The following FHIT variants were observed in gnomAD, a reference collection of about 807,000 sequenced individuals.
FHIT encodes bis(5'-adenosyl)-triphosphatase.
In FHIT, 19 loss-of-function variants were observed where a neutral mutation model predicts 17.9. That is an observed-to-expected ratio of 1.06 (90% confidence interval 0.74 to 1.56). The LOEUF is 1.56. Among genes scored for constraint, FHIT ranks in the 40% most tolerant of loss-of-function variants. FHIT has a pLI of 0.00. For missense variants in FHIT, 248 were observed against 189.2 expected, an observed-to-expected ratio of 1.31 and a Z score of -1.82; for synonymous variants, 81 against 69.7, an observed-to-expected ratio of 1.16 and a Z score of -0.81.
At chr3:59,785,211 G>C (rs547558368) in intron 8 of FHIT, among the ~76,000 whole-genome samples, 11 of 152,030 alleles carry the variant, frequency 7.2e-5, no homozygotes, top group Admixed American at 2.0e-4. Context: ...TTCGACATGA[G>C]ATTTGGTGGG....
chr3:60,596,509 G>A (rs954858763), intron 4 of FHIT, among the ~76,000 whole-genome samples: 1 of 151,988 alleles, frequency 6.6e-6, no homozygotes, highest in Non-Finnish European at 1.5e-5. Context: ...CTTTCCAATT[G>A]CTATCTCCTT....
chr3:60,497,294 G>A (rs1029454596), intron 5 of FHIT, among the ~76,000 whole-genome samples: 10 of 151,934 alleles, frequency 6.6e-5, no homozygotes, highest in African/African-American at 2.4e-4. Context: ...TGGGGAAGAT[G>A]AAGTGTATCT....
chr3:61,071,845 G>A (rs2034819036), intron 2 of FHIT, among the ~76,000 whole-genome samples: 1 of 152,068 alleles, frequency 6.6e-6, no homozygotes, highest in African/African-American at 2.4e-5. Flanking sequence ...GAAGTTATGG[G>A]GGATATTTAT....
chr3:60,976,090 CTTTTTCTTTTTTTTTTT>C (rs1368005610), intron 3 of FHIT, among the ~76,000 whole-genome samples: 11 of 58,086 alleles, frequency 1.9e-4, no homozygotes, highest in South Asian at 6.8e-4. Context: ...TTTCGTTTTT[CTTTTTCTTTTTTTTTTT>C]TTTTTTTTTT....
At chr3:60,711,577 T>C (rs2041533703) in intron 4 of FHIT, among the ~76,000 whole-genome samples, 2 of 152,096 alleles carry the variant, frequency 1.3e-5, no homozygotes, top group South Asian at 2.1e-4. Context: ...GAGAAGTGCT[T>C]AAAGGAGCTG....
At chr3:60,935,181 C>T (rs1708135149) in intron 3 of FHIT, among the ~76,000 whole-genome samples, 1 of 152,122 alleles carries the variant, frequency 6.6e-6, no homozygotes, top group Non-Finnish European at 1.5e-5. Context: ...AGAACCATTA[C>T]AGTTATTGTC....
intron 5 of FHIT, among the ~76,000 whole-genome samples, chr3:60,092,397 G>C (rs1446918369): frequency 6.6e-6 from 1 of 152,152 alleles, no homozygotes; most frequent in African/African-American, 2.4e-5. Context: ...GGACAGGCTG[G>C]CCATGGTAGA....
intron 3 of FHIT, among the ~76,000 whole-genome samples, chr3:60,958,401 C>G (rs1487930252): frequency 6.6e-6 from 1 of 152,152 alleles, no homozygotes; most frequent in African/African-American, 2.4e-5. Flanking sequence ...TTCCCTAGCA[C>G]TGAGAACTGT....
chr3:60,137,852 C>A (rs1699878517), intron 5 of FHIT, among the ~76,000 whole-genome samples: 1 of 150,966 alleles, frequency 6.6e-6, no homozygotes, highest in East Asian at 2.0e-4. Flanking sequence ...ATTTAAGCAA[C>A]ATCTACACAT....
rs201296191 is a variant in FHIT at position 60,318,158 on chromosome 3, G to GA, written c.103+218701dup. ...TGAACACATCATGGTATAATGCAGTGATAAAGCAATGTAGGGCTTTTCTGG... is the reference window on the plus strand; with the variant it reads ...TGAACACATCATGGTATAATGCAGTGAATAAAGCAATGTAGGGCTTTTCTGG... On this transcript the variant is annotated intron_variant, in intron 5 of 9. Coordinates refer to ENST00000492590, the MANE Select transcript of FHIT (RefSeq NM_002012.4). Among the ~76,000 whole-genome samples, 1,085 of 152,194 alleles carry GA rather than the reference G, an allele frequency of 7.1e-3. 14 individuals are homozygous for GA. The highest frequency in any genetic ancestry group is 0.025 in the African/African-American group (1,019 of 41,530).
intron 4 of FHIT, among the ~76,000 whole-genome samples, chr3:60,645,579 C>G (rs918147878): frequency 1.3e-5 from 2 of 152,150 alleles, no homozygotes; most frequent in Non-Finnish European, 2.9e-5. Context: ...CTTGTCTCCT[C>G]TGGACTCATA....
At chr3:60,667,794 T>A (rs548713059) in intron 4 of FHIT, among the ~76,000 whole-genome samples, 6 of 152,208 alleles carry the variant, frequency 3.9e-5, no homozygotes, top group Admixed American at 6.5e-5. Context: ...TGGCTACTTT[T>A]ATCAGCTGTG....
intron 8 of FHIT, among the ~76,000 whole-genome samples, chr3:59,863,675 G>A (rs141785516): frequency 5.5e-4 from 83 of 152,256 alleles, no homozygotes; most frequent in Admixed American, 3.7e-3. Flanking sequence ...GATTATTACC[G>A]TCATCCAGCA....
chr3:60,295,582 G>A (rs368527950), intron 5 of FHIT, among the ~76,000 whole-genome samples: 34 of 152,026 alleles, frequency 2.2e-4, no homozygotes, highest in African/African-American at 8.2e-4. Flanking sequence ...ATTCATGAGG[G>A]ATCTGCCACC....
chr3:60,756,781 G>A (rs572661661), intron 4 of FHIT, among the ~76,000 whole-genome samples: 230 of 152,296 alleles, frequency 1.5e-3, no homozygotes, highest in Middle Eastern at 6.8e-3. Context: ...TGAATAACTT[G>A]TCACAGTCTT....
At chr3:60,357,410 AT>A (rs1187344328) in intron 5 of FHIT, among the ~76,000 whole-genome samples, 1 of 151,918 alleles carries the variant, frequency 6.6e-6, no homozygotes, top group African/African-American at 2.4e-5. Context: ...CACCTGGCTA[AT>A]TTTTTGTATT....
At chr3:60,956,300 G>A (rs562808458) in intron 3 of FHIT, among the ~76,000 whole-genome samples, 1 of 152,260 alleles carries the variant, frequency 6.6e-6, no homozygotes, top group East Asian at 1.9e-4. Context: ...AGGAATTAGA[G>A]GTATCCTACA....
chr3:61,162,524 T>A (rs2107100378), intron 2 of FHIT, among the ~76,000 whole-genome samples: 1 of 152,326 alleles, frequency 6.6e-6, no homozygotes, highest in Middle Eastern at 3.4e-3. Flanking sequence ...GTAACATCTA[T>A]GCTATCAAGC....
intron 5 of FHIT, among the ~76,000 whole-genome samples, chr3:60,440,150 C>T (rs928673182): frequency 6.6e-6 from 1 of 152,012 alleles, no homozygotes; most frequent in African/African-American, 2.4e-5. Flanking sequence ...TGAATGGTTC[C>T]TAGGCTTCTT....
Sources: gnomAD v4.1 joint callset for allele counts (sites outside exome capture counted in the v4.1 genomes callset) on GRCh38, gnomAD v4.1.1 for gene constraint, MANE v1.5 for transcripts, NCBI Gene and HGNC (gene_info 2026-07-23, HGNC 2026-07-21) for gene names.